The following EEPD1 variants were observed in gnomAD, a reference collection of about 807,000 sequenced individuals.
EEPD1 encodes endonuclease/exonuclease/phosphatase family domain-containing protein 1.
A neutral mutation model predicts 46.3 loss-of-function variants in EEPD1; 17 were observed. The observed-to-expected ratio is 0.37, with a 90% CI of 0.25 to 0.55. EEPD1 has a LOEUF of 0.55. EEPD1 is among the 20% of genes least tolerant of loss of function. The pLI, the probability that EEPD1 is intolerant of heterozygous loss-of-function variation, is 0.83. For synonymous variants in EEPD1, 313 were observed against 315.6 expected (o/e 0.99, Z 0.09); for missense variants, 673 against 745.6 (o/e 0.90, Z 1.13).
intron 3 of EEPD1, among the ~76,000 whole-genome samples, chr7:36,239,961 T>G (rs571479974): frequency 2.0e-5 from 3 of 152,344 alleles, no homozygotes; most frequent in South Asian, 4.1e-4. Context: ...TGAACTATAT[T>G]CGTTTATTTT....
At chr7:36,219,673 G>T (rs189320164) in intron 2 of EEPD1, among the ~76,000 whole-genome samples, 1 of 150,130 alleles carries the variant, frequency 6.7e-6, no homozygotes, top group East Asian at 2.0e-4. Flanking sequence ...AGGAAAGAAG[G>T]AAAGAAGGAA....
At chr7:36,215,267 G>A (rs540120775) in intron 2 of EEPD1, among the ~76,000 whole-genome samples, 5 of 152,204 alleles carry the variant, frequency 3.3e-5, no homozygotes, top group Admixed American at 6.5e-5. Flanking sequence ...GCGCCTTGGC[G>A]CCATGCGGGG....
At chr7:36,203,684 T>A (rs1785759433) in intron 2 of EEPD1, among the ~76,000 whole-genome samples, 1 of 152,228 alleles carries the variant, frequency 6.6e-6, no homozygotes, top group Non-Finnish European at 1.5e-5. Context: ...AACCAATTGG[T>A]ATAATGAAAA....
At chr7:36,198,518 C>T (rs939242861) in intron 2 of EEPD1, among the ~76,000 whole-genome samples, 5 of 149,578 alleles carry the variant, frequency 3.3e-5, no homozygotes, top group Admixed American at 6.7e-5. Flanking sequence ...TTATGTGGTA[C>T]GTGACTGTAG....
chr7:36,280,581 T>G (rs1787246079), intron 3 of EEPD1, among the ~76,000 whole-genome samples: 1 of 152,228 alleles, frequency 6.6e-6, no homozygotes, highest in South Asian at 2.1e-4. Context: ...AAGAAGTGCA[T>G]GCCGCGTGCA....
At chr7:36,236,067 G>A (rs530255128) in intron 2 of EEPD1, among the ~76,000 whole-genome samples, 1 of 152,242 alleles carries the variant, frequency 6.6e-6, no homozygotes, top group East Asian at 1.9e-4. Flanking sequence ...TGGGGTCACA[G>A]GCATGCACCA....
rs70977113 is a variant in EEPD1 at position 36,172,617 on chromosome 7, GTTTTTT to G, written c.878+17434_878+17439del. Among the ~76,000 whole-genome samples, 258 of 100,072 alleles carry G rather than the reference GTTTTTT, an allele frequency of 2.6e-3. 3 individuals carry two copies. The highest frequency in any genetic ancestry group is 4.8e-3 in the Middle Eastern group (1 of 208). 65.7% of individuals were successfully genotyped at this position (100,072 alleles called of 152,430 possible). A position where few individuals can be genotyped will look rare whatever the true frequency, so the allele number is the denominator to read the frequency against. The stretch of plus-strand genomic sequence containing the variant: ...TATAAACTTTCTTAAAATATTATGA[GTTTTTT>G]TTTTTTTTTTTTTTTTTTAGCTCAT... On this transcript the variant is annotated intron_variant, in intron 2 of 7. Transcript: ENST00000242108.
At chr7:36,203,892 C>T (rs946527185) in intron 2 of EEPD1, among the ~76,000 whole-genome samples, 2 of 151,994 alleles carry the variant, frequency 1.3e-5, no homozygotes, top group Admixed American at 6.5e-5. Context: ...TCTCTAGCTC[C>T]GGTGCTCATG....
chr7:36,191,906 T>A (rs113526977), intron 2 of EEPD1, among the ~76,000 whole-genome samples: 1,612 of 152,330 alleles, frequency 0.011, 11 homozygotes, highest in Non-Finnish European at 0.019. Context: ...TAAACTGTTG[T>A]GAGACCCCTG....
chr7:36,221,615 AT>A (rs767564956), intron 2 of EEPD1, among the ~76,000 whole-genome samples: 8 of 152,228 alleles, frequency 5.3e-5, no homozygotes, highest in Non-Finnish European at 1.2e-4. Context: ...TGGGTCAATC[AT>A]TTAGATCCTG....
chr7:36,199,696 A>G (rs749266223), intron 2 of EEPD1, among the ~76,000 whole-genome samples: 4 of 152,120 alleles, frequency 2.6e-5, no homozygotes, highest in East Asian at 3.9e-4. Flanking sequence ...AAATGGGGGT[A>G]AGACCTCTTG....
At chr7:36,265,123 G>A (rs1192129871) in intron 3 of EEPD1, among the ~76,000 whole-genome samples, 1 of 152,192 alleles carries the variant, frequency 6.6e-6, no homozygotes, top group Admixed American at 6.5e-5. Context: ...TAGAATAGCT[G>A]AAGGCTGGCA....
chr7:36,262,143 C>A (rs1397288255), intron 3 of EEPD1, among the ~76,000 whole-genome samples: 1 of 152,226 alleles, frequency 6.6e-6, no homozygotes, highest in Non-Finnish European at 1.5e-5. Flanking sequence ...AAGGCCTGCC[C>A]TACCTAACTC....
At chr7:36,264,566 A>G (rs1053028195) in intron 3 of EEPD1, among the ~76,000 whole-genome samples, 11 of 152,194 alleles carry the variant, frequency 7.2e-5, no homozygotes, top group Non-Finnish European at 1.6e-4. Context: ...GGCCTGCAGG[A>G]CACTGTCATG....
At chr7:36,239,116 C>A in intron 3 of EEPD1, 80 bp downstream of exon 3, 1 of 1,332,536 alleles carries the variant, frequency 7.5e-7, no homozygotes, top group Non-Finnish European at 1.1e-6. Context: ...CTCCCTGTCA[C>A]CAGAGACAGC....
At chr7:36,202,437 G>A (rs1371771129) in intron 2 of EEPD1, among the ~76,000 whole-genome samples, 1 of 152,076 alleles carries the variant, frequency 6.6e-6, no homozygotes, top group East Asian at 1.9e-4. Flanking sequence ...AAGCATGCCT[G>A]GGGCCTCCAC....
intron 3 of EEPD1, among the ~76,000 whole-genome samples, chr7:36,277,373 C>T (rs1307238831): frequency 2.0e-5 from 3 of 152,196 alleles, no homozygotes; most frequent in Admixed American, 6.5e-5. Context: ...ATAATAAAGA[C>T]GGTGCGTGCA....
At chr7:36,177,707 G>A (rs1408357687) in intron 2 of EEPD1, among the ~76,000 whole-genome samples, 1 of 151,956 alleles carries the variant, frequency 6.6e-6, no homozygotes, top group East Asian at 1.9e-4. Flanking sequence ...TGCCTTAGCT[G>A]TTTTGTTGTT....
rs117605128 is a variant in EEPD1, at chr7:36,186,877, T to A, written c.878+31675T>A. On this transcript the variant is annotated intron_variant, in intron 2 of 7. Transcript: ENST00000242108. ...CAAACCATTTTTGCCACAACATGTG[T>A]TTCTGTAACACAGGTTAGCTCATCT... 7.9e-4 allele frequency among the ~76,000 whole-genome samples: 121 copies of A among 152,372 alleles called. No homozygotes were observed. The East Asian group carries it at 0.018, about 23-fold the overall frequency.
Sources: gnomAD v4.1 joint callset for allele counts (sites outside exome capture counted in the v4.1 genomes callset) on GRCh38, gnomAD v4.1.1 for gene constraint, MANE v1.5 for transcripts, NCBI Gene and HGNC (gene_info 2026-07-23, HGNC 2026-07-21) for gene names.